The following SAMMSON variants were observed in gnomAD, a reference collection of about 807,000 sequenced individuals.
SAMMSON encodes the protein survival associated mitochondrial melanoma specific oncogenic non-coding RNA.
At chr3:70,432,740 A>T (rs1163587911) in intron 2 of SAMMSON, among the ~76,000 whole-genome samples, 1 of 152,044 alleles carries the variant, frequency 6.6e-6, no homozygotes, top group East Asian at 1.9e-4. Flanking sequence ...ATGTACAATG[A>T]CATGTGCCCA....
chr3:70,229,537 A>G (rs1274628707), intron 4 of SAMMSON, among the ~76,000 whole-genome samples: 4 of 152,222 alleles, frequency 2.6e-5, no homozygotes, highest in African/African-American at 9.6e-5. Flanking sequence ...GGACATAAAA[A>G]TAGTTCTGGC....
chr3:70,404,664 C>T (rs1701165775), intron 2 of SAMMSON, among the ~76,000 whole-genome samples: 1 of 152,102 alleles, frequency 6.6e-6, no homozygotes, highest in Admixed American at 6.6e-5. Context: ...TAAAAAATAT[C>T]ATAAGAAATA....
At chr3:70,312,031 A>G (rs1702457965) in intron 7 of SAMMSON, 2 of 396,644 alleles carry the variant, frequency 5.0e-6, no homozygotes, top group African/African-American at 2.1e-5. Flanking sequence ...AATTTATAAC[A>G]TCGAGTTTTA....
chr3:70,218,338 T>C (rs929473169), intron 4 of SAMMSON, among the ~76,000 whole-genome samples: 2 of 152,174 alleles, frequency 1.3e-5, no homozygotes, highest in African/African-American at 4.8e-5. Flanking sequence ...TGGATGTATA[T>C]AGATGCATAT....
At chr3:70,317,087 G>C (rs1405404839) in intron 7 of SAMMSON, among the ~76,000 whole-genome samples, 1 of 151,762 alleles carries the variant, frequency 6.6e-6, no homozygotes, top group East Asian at 1.9e-4. Flanking sequence ...TCATGTTATG[G>C]GTAATAGGTT....
At chr3:70,152,567 A>T (rs1032355082) in intron 4 of SAMMSON, among the ~76,000 whole-genome samples, 12 of 152,026 alleles carry the variant, frequency 7.9e-5, no homozygotes, top group East Asian at 1.9e-4. Flanking sequence ...GTGCTTTATT[A>T]TCTAACCCTC....
At chr3:70,081,280 A>G (rs978287584) in intron 4 of SAMMSON, among the ~76,000 whole-genome samples, 2 of 151,864 alleles carry the variant, frequency 1.3e-5, no homozygotes, top group African/African-American at 2.4e-5. Flanking sequence ...TGCCCGGCTA[A>G]TTTTTTGTAT....
intron 6 of SAMMSON, among the ~76,000 whole-genome samples, chr3:70,275,245 G>A (rs1311147042): frequency 2.6e-5 from 4 of 152,232 alleles, no homozygotes; most frequent in African/African-American, 9.6e-5. Context: ...GACTTGGGCC[G>A]GGTACAGTGG....
chr3:70,181,614 A>G (rs1701053935), intron 4 of SAMMSON, among the ~76,000 whole-genome samples: 1 of 152,218 alleles, frequency 6.6e-6, no homozygotes, highest in Non-Finnish European at 1.5e-5. Context: ...TAAATACACC[A>G]TTGTGGGACT....
chr3:70,012,052 C>T (rs2066958309), intron 1 of SAMMSON, among the ~76,000 whole-genome samples: 1 of 152,024 alleles, frequency 6.6e-6, no homozygotes, highest in Non-Finnish European at 1.5e-5. Context: ...TCTCTAGCTC[C>T]CTCCTGGACT....
chr3:70,365,511 C>T (rs1702913494), intron 9 of SAMMSON, among the ~76,000 whole-genome samples: 1 of 151,736 alleles, frequency 6.6e-6, no homozygotes, highest in Non-Finnish European at 1.5e-5. Flanking sequence ...ATCAGAGCCT[C>T]CCCATTTCTT....
exon 1 of SAMMSON, chr3:69,999,860 G>C (rs534652189): frequency 6.6e-6 from 1 of 152,442 alleles, no homozygotes; most frequent in East Asian, 1.9e-4. Context: ...ATTGACCAGC[G>C]GGACAAGGTG....
intron 6 of SAMMSON, among the ~76,000 whole-genome samples, chr3:70,251,351 C>T (rs1037628496): frequency 1.3e-5 from 2 of 152,184 alleles, no homozygotes; most frequent in African/African-American, 4.8e-5. Flanking sequence ...TCATTGTTCA[C>T]CTATGCCATA....
intron 8 of SAMMSON, among the ~76,000 whole-genome samples, chr3:70,356,479 A>G (rs1016555004): frequency 6.6e-6 from 1 of 152,114 alleles, no homozygotes; most frequent in Non-Finnish European, 1.5e-5. Context: ...AATCGAATAT[A>G]TTTTAAAATT....
At chr3:70,047,890 T>C (rs910706202) in intron 3 of SAMMSON, among the ~76,000 whole-genome samples, 2 of 152,108 alleles carry the variant, frequency 1.3e-5, no homozygotes, top group African/African-American at 2.4e-5. Flanking sequence ...CCATTTTTTA[T>C]AGTGGCATTA....
intron 3 of SAMMSON, among the ~76,000 whole-genome samples, chr3:70,047,796 G>A (rs996853768): frequency 1.3e-5 from 2 of 152,058 alleles, no homozygotes; most frequent in African/African-American, 2.4e-5. Flanking sequence ...TCTTTGCATG[G>A]CAGAAAGCGG....
intron 9 of SAMMSON, among the ~76,000 whole-genome samples, chr3:70,378,983 A>T (rs561655695): frequency 9.5e-4 from 56 of 58,660 alleles, no homozygotes; most frequent in South Asian, 6.5e-3. Flanking sequence ...TTACACTTTT[A>T]TTTATTTATT....
At chr3:70,135,840 A>T (rs764336035) in intron 4 of SAMMSON, among the ~76,000 whole-genome samples, 12 of 151,414 alleles carry the variant, frequency 7.9e-5, no homozygotes, top group Non-Finnish European at 1.8e-4. Context: ...TTACTATACC[A>T]TTTTTCTCCA....
In SAMMSON at chr3:70,149,347, A is replaced by G. The variant is rs111329705; in HGVS notation, n.507+77782A>G. Among the ~76,000 whole-genome samples, 1,457 of 152,184 alleles carry G rather than the reference A, an allele frequency of 9.6e-3. 17 individuals carry two copies. Among genetic ancestry groups the G allele is most frequent in the African/African-American group, 0.033 (1,367 of 41,538 alleles). On this transcript the variant is annotated intron_variant and non_coding_transcript_variant, in intron 4 of 9. Transcript: ENST00000642114. ...CCTTTTCTAGTTTGCTAATGTAAAG[A>G]CGCAAACCTGCTTCTACAGTTAGTA...
Sources: gnomAD v4.1 joint callset for allele counts (sites outside exome capture counted in the v4.1 genomes callset) on GRCh38, gnomAD v4.1.1 for gene constraint, MANE v1.5 for transcripts, NCBI Gene and HGNC (gene_info 2026-07-23, HGNC 2026-07-21) for gene names.